CRAMP1: variants seen among roughly 807,000 people sequenced by gnomAD.
CRAMP1 encodes the protein cramped chromatin regulator 1, also known as protein cramped-like.
CRAMP1 carries 50 observed loss-of-function variants against 115.4 expected under a neutral mutation model. The ratio of observed to expected loss-of-function variants is 0.43; its 90% confidence interval spans 0.35 to 0.55. The LOEUF (loss-of-function observed/expected upper bound fraction) is 0.55. CRAMP1 is among the 20% of genes least tolerant of loss of function. The pLI, the probability that CRAMP1 is intolerant of heterozygous loss-of-function variation, is 0.01. For synonymous variants in CRAMP1, 866 were observed against 745.4 expected, an observed-to-expected ratio of 1.16 and a Z score of -2.64; for missense variants, 1,679 against 1,721.7, an observed-to-expected ratio of 0.98 and a Z score of 0.44.
rs1425488417 is a variant in CRAMP1, at chr16:1,671,926, C to T, written c.3645+1117C>T. Among the ~76,000 whole-genome samples, 1 of 152,238 alleles carries T rather than the reference C, an allele frequency of 6.6e-6. No homozygotes were observed. Among genetic ancestry groups the T allele is most frequent in the Non-Finnish European group, 1.5e-5 (1 of 68,048 alleles). On this transcript the variant is annotated intron_variant, in intron 20 of 20. Transcript: ENST00000397412. The surrounding 1 kb of genome is among the most constrained non-coding windows in gnomAD (Gnocchi z 5.0). ...ATTAATAGCGTAGACCTCCATCTCA[C>T]AGTGTGTGGCGTTTCTCAAACCTGT...
At chr16:1,667,438 C>T in intron 17 of CRAMP1, 38 bp downstream of exon 17, 1 of 1,529,160 alleles carries the variant, frequency 6.5e-7, no homozygotes, top group South Asian at 1.1e-5. Context: ...AAAGCAGCTG[C>T]CCCAGGACTC....
rs537483186 is a variant in CRAMP1 at position 1,656,424 on chromosome 16, C to T, written c.1667C>T (p.Ser556Leu). 34 of 1,586,692 alleles carry T rather than the reference C, an allele frequency of 2.1e-5. No individual in the cohort carries two copies. Among genetic ancestry groups the T allele is most frequent in the African/African-American group, 2.7e-5 (2 of 74,258 alleles). ...GQLPDLEDEL[S>L]LLDPLPRYLK... is the part of the protein sequence containing the mutation. ...CTCCCAGACCTGGAGGACGAGCTCT[C>T]GCTTCTAGACCCCTTGCCCCGCTAC... Residue 556 changes from serine (S) to leucine (L), a missense_variant, in exon 10 of 21, where the codon TCG (serine) becomes TTG (leucine). Coordinates refer to ENST00000397412, the MANE Select transcript of CRAMP1 (RefSeq NM_020825.4). The surrounding 1 kb of genome is among the most constrained non-coding windows in gnomAD (Gnocchi z 5.6).
chr16:1,623,990 C>T (rs1161566379), intron 2 of CRAMP1, among the ~76,000 whole-genome samples: 1 of 152,204 alleles, frequency 6.6e-6, no homozygotes, highest in Non-Finnish European at 1.5e-5. Context: ...ACACTTGGAA[C>T]TCATTGTTTA....
chr16:1,668,469 G>C (rs1267040557), intron 18 of CRAMP1, among the ~76,000 whole-genome samples: 2 of 152,234 alleles, frequency 1.3e-5, no homozygotes, highest in Non-Finnish European at 2.9e-5. Context: ...GGATCACAGA[G>C]TGTTTTCCTA....
At position 1,655,966 on chromosome 16, in the gene CRAMP1, C is replaced by T; in HGVS notation, c.1209C>T (p.Asn403=). ...KVTLHLFPGE[N]CTLTPLPGVA... is the part of the protein sequence containing the mutation. Reference sequence around the variant, plus strand: ...CACTGCACTTGTTCCCAGGCGAGAACTGTACACTGACACCGCTGCCGGGCG... The same window carrying T: ...CACTGCACTTGTTCCCAGGCGAGAATTGTACACTGACACCGCTGCCGGGCG... The change falls in exon 10 of 21, where the codon AAC becomes AAT. Residue 403 remains asparagine, a synonymous_variant. Transcript: ENST00000397412. 1 of 1,613,118 alleles carries T rather than the reference C, an allele frequency of 6.2e-7. No individual in the cohort carries two copies. The highest frequency in any genetic ancestry group is 8.5e-7 in the Non-Finnish European group (1 of 1,179,876).
At chr16:1,613,520 C>T (rs1393890127) in intron 1 of CRAMP1, among the ~76,000 whole-genome samples, 2 of 152,186 alleles carry the variant, frequency 1.3e-5, no homozygotes, top group Non-Finnish European at 2.9e-5. Context: ...ATCTAATCTT[C>T]AGCGTTTTTG....
rs1473832116 is a variant in CRAMP1, at chr16:1,652,600, C to G, written c.913+19C>G. On this transcript the variant is annotated intron_variant, in intron 7 of 20. Coordinates refer to ENST00000397412, the MANE Select transcript of CRAMP1 (RefSeq NM_020825.4). ...CCAGATGGTAAGTGAATGGGGCGCTCCCGGGACCAGAGGCGGTGCCCATGG... is the reference window on the plus strand; with the variant it reads ...CCAGATGGTAAGTGAATGGGGCGCTGCCGGGACCAGAGGCGGTGCCCATGG... The G allele has an allele frequency of 1.9e-6, 3 of 1,548,752 alleles. No individual in the cohort carries two copies. The highest frequency in any genetic ancestry group is 1.4e-5 in the African/African-American group (1 of 72,990).
At chr16:1,615,646 C>G (rs1309169363) in intron 2 of CRAMP1, among the ~76,000 whole-genome samples, 1 of 152,216 alleles carries the variant, frequency 6.6e-6, no homozygotes, top group Admixed American at 6.5e-5. Flanking sequence ...AATGTTGCTA[C>G]TTAGCTGGGG....
rs1405426882 is a variant in CRAMP1, at chr16:1,672,544, CTT to C, written c.3646-1335_3646-1334del. On this transcript the variant is annotated intron_variant, in intron 20 of 20. Coordinates refer to ENST00000397412, the MANE Select transcript of CRAMP1 (RefSeq NM_020825.4). The surrounding 1 kb of genome is among the most constrained non-coding windows in gnomAD (Gnocchi z 4.9). Reference sequence around the variant, plus strand: ...GACATACAGGGGAAGGAGAATTACTCTTTGCTCTGCTTTTGAAAACAAATTTT... The same window carrying C: ...GACATACAGGGGAAGGAGAATTACTCTGCTCTGCTTTTGAAAACAAATTTT... Among the ~76,000 whole-genome samples, 1 of 152,184 alleles carries C rather than the reference CTT, an allele frequency of 6.6e-6. No homozygotes were observed. Among genetic ancestry groups the C allele is most frequent in the Non-Finnish European group, 1.5e-5 (1 of 68,032 alleles).
At chr16:1,622,753 CTTTTTT>C (rs936343370) in intron 2 of CRAMP1, among the ~76,000 whole-genome samples, 3 of 129,362 alleles carry the variant, frequency 2.3e-5, no homozygotes, top group Admixed American at 1.6e-4. Flanking sequence ...CGGCAGTCTA[CTTTTTT>C]TTTTTTTTTT....
intron 14 of CRAMP1, chr16:1,665,825 A>G (rs988657045): frequency 3.9e-6 from 2 of 518,504 alleles, no homozygotes; most frequent in African/African-American, 1.9e-5. Context: ...GCAGGATGAC[A>G]GTGGTGACCG....
rs577863309 is a variant in CRAMP1 at position 1,656,152 on chromosome 16, G to T, written c.1395G>T (p.Arg465=). Residue 465 remains arginine, a synonymous_variant, in exon 10 of 21, where the codon CGG becomes CGT. Transcript: ENST00000397412. This position sits in a 1 kb window ranked among gnomAD's most constrained non-coding sequence, Gnocchi z 5.6. ...CCCGGGGCCAGGTGAAATGCCCGCGGAGCGGAGCTGAGGGCAAGGGTGTGG... is the reference window on the plus strand; with the variant it reads ...CCCGGGGCCAGGTGAAATGCCCGCGTAGCGGAGCTGAGGGCAAGGGTGTGG... The part of the protein sequence containing the change: ...GTARGQVKCP[R]SGAEGKGVGR... The T allele has an allele frequency of 1.9e-6, 3 of 1,607,222 alleles. No homozygotes were observed. Among genetic ancestry groups the T allele is most frequent in the Middle Eastern group, 1.7e-4 (1 of 5,984 alleles).
rs1405076254 is a variant in CRAMP1 at position 1,663,044 on chromosome 16, C to T, written c.2670+209C>T. Among the ~76,000 whole-genome samples the T allele has an allele frequency of 3.9e-5, 6 of 152,168 alleles. 1 individual carries two copies. The East Asian group carries it at 1.2e-3, about 29-fold the overall frequency. The stretch of plus-strand genomic sequence containing the variant: ...GGTAATCTTTCAATAACATGGAAAT[C>T]CACTTGCAAAAAAGACAATTATAGG... On this transcript the variant is annotated intron_variant, in intron 13 of 20. Transcript: ENST00000397412.
At chr16:1,620,469 A>G (rs895515467) in intron 2 of CRAMP1, among the ~76,000 whole-genome samples, 1 of 152,190 alleles carries the variant, frequency 6.6e-6, no homozygotes, top group South Asian at 2.1e-4. Flanking sequence ...CCTCCAGACC[A>G]GACGCTGACT....
At chr16:1,642,186 C>A (rs1293272971) in intron 6 of CRAMP1, among the ~76,000 whole-genome samples, 1 of 152,236 alleles carries the variant, frequency 6.6e-6, no homozygotes, top group Non-Finnish European at 1.5e-5. Flanking sequence ...AGTCCTTACC[C>A]ATCTCTCTTC....
intron 2 of CRAMP1, among the ~76,000 whole-genome samples, chr16:1,617,460 G>A (rs908629667): frequency 6.6e-6 from 1 of 152,264 alleles, no homozygotes; most frequent in African/African-American, 2.4e-5. Flanking sequence ...GATGCTCAGA[G>A]GAGAATCCTC....
chr16:1,671,459 A>G lies in CRAMP1; in HGVS notation c.3645+650A>G, dbSNP rs1227918245. Among the ~76,000 whole-genome samples, 2 of 152,192 alleles carry G rather than the reference A, an allele frequency of 1.3e-5. No individual in the cohort carries two copies. The highest frequency in any genetic ancestry group is 2.9e-5 in the Non-Finnish European group (2 of 68,030). On this transcript the variant is annotated intron_variant, in intron 20 of 20. Coordinates refer to ENST00000397412, the MANE Select transcript of CRAMP1 (RefSeq NM_020825.4). The surrounding 1 kb of genome is among the most constrained non-coding windows in gnomAD (Gnocchi z 5.0). ...GGTTGTAGCCCTCAAGGCGTCCACCACATGGTTTGTGTGGCATTCGTGGGC... is the reference window on the plus strand; with the variant it reads ...GGTTGTAGCCCTCAAGGCGTCCACCGCATGGTTTGTGTGGCATTCGTGGGC...
rs2036934359 is a variant in CRAMP1 at position 1,672,978 on chromosome 16, G to A, written c.3646-903G>A. Among the ~76,000 whole-genome samples, 2 of 152,226 alleles carry A rather than the reference G, an allele frequency of 1.3e-5. No homozygotes were observed. The highest frequency in any genetic ancestry group is 4.8e-5 in the African/African-American group (2 of 41,452). On this transcript the variant is annotated intron_variant, in intron 20 of 20. Coordinates refer to ENST00000397412, the MANE Select transcript of CRAMP1 (RefSeq NM_020825.4). This position sits in a 1 kb window ranked among gnomAD's most constrained non-coding sequence, Gnocchi z 4.9. ...GAACGTACTCCCCATGTGTCCTCAT[G>A]TCTCTGACGGGAACGTGCTCCCCAC...
chr16:1,662,497 A>G lies in CRAMP1; in HGVS notation c.2421A>G (p.Arg807=), dbSNP rs764146291. 6.2e-7 allele frequency: 1 copy of G among 1,613,604 alleles called. No homozygotes were observed. The highest frequency in any genetic ancestry group is 8.5e-7 in the Non-Finnish European group (1 of 1,179,612). ...PSSAPCSSGL[R]NPPRPLLVPG... ...TCTCCTCTCCTCTCCCAGGTTTGAGAAACCCTCCAAGACCCCTCTTGGTGC... is the reference window on the plus strand; with the variant it reads ...TCTCCTCTCCTCTCCCAGGTTTGAGGAACCCTCCAAGACCCCTCTTGGTGC... The change falls in exon 12 of 21, where the codon AGA becomes AGG. Residue 807 remains arginine (R), a synonymous_variant. Coordinates refer to ENST00000397412, the MANE Select transcript of CRAMP1 (RefSeq NM_020825.4).
Sources: gnomAD v4.1 joint callset for allele counts (sites outside exome capture counted in the v4.1 genomes callset) on GRCh38, gnomAD v4.1.1 for gene constraint, Gnocchi (gnomAD v3.1) non-coding constraint, MANE v1.5 for transcripts, NCBI Gene and HGNC (gene_info 2026-07-23, HGNC 2026-07-21) for gene names.